Variants in CENPP observed in about 807,000 individuals in gnomAD.
CENPP encodes the protein centromere protein P.
Under a neutral mutation model 35.6 loss-of-function variants are expected in CENPP, and 24 were observed. The ratio of observed to expected loss-of-function variants is 0.67; its 90% confidence interval spans 0.49 to 0.95. CENPP has a LOEUF of 0.95. Ranked by LOEUF, CENPP falls within the 40% of genes least tolerant of loss-of-function variation. The pLI is 0.00. For missense variants in CENPP, 332 were observed against 345.3 expected (o/e 0.96, Z 0.31); for synonymous variants, 120 against 125.5 (o/e 0.96, Z 0.29).
chr9:92,476,207 A>G lies in CENPP; in HGVS notation c.564+96348A>G, dbSNP rs756737443. 1.2e-4 allele frequency among the ~76,000 whole-genome samples: 18 copies of G among 152,104 alleles called. No individual in the cohort carries two copies. The highest frequency in any genetic ancestry group is 2.2e-4 in the Non-Finnish European group (15 of 68,018). On this transcript the variant is annotated intron_variant, in intron 5 of 7. Transcript: ENST00000375587. The surrounding 1 kb of genome is among the most constrained non-coding windows in gnomAD (Gnocchi z 4.1). ...GAGTGCCAGAGAGCAGCTGAGCTGC[A>G]AAAGACTTCTATAGTCAGCCAGGAT...
intron 5 of CENPP, among the ~76,000 whole-genome samples, chr9:92,446,082 GA>G (rs895429572): frequency 2.0e-5 from 3 of 150,722 alleles, no homozygotes; most frequent in African/African-American, 4.9e-5. Flanking sequence ...TAAATGTAAA[GA>G]AAAAAAAACT....
chr9:92,416,058 G>GTGTATATATATATATATATATATA (rs6151074), intron 5 of CENPP, among the ~76,000 whole-genome samples: 1 of 130,932 alleles, frequency 7.6e-6, no homozygotes, highest in Non-Finnish European at 1.6e-5. Context: ...ATATATGTGT[G>GTGTATATATATATATATATATATA]TATATATATA....
chr9:92,405,879 T>G (rs1182005161), intron 5 of CENPP, among the ~76,000 whole-genome samples: 1 of 152,220 alleles, frequency 6.6e-6, no homozygotes, highest in East Asian at 1.9e-4. Flanking sequence ...TGAGCGCCAA[T>G]TCTGTGCCAG....
intron 5 of CENPP, among the ~76,000 whole-genome samples, chr9:92,563,064 C>T (rs1849885483): frequency 6.6e-6 from 1 of 152,096 alleles, no homozygotes; most frequent in African/African-American, 2.4e-5. Flanking sequence ...TTAATTCTGA[C>T]AGATATGTGA....
intron 5 of CENPP, among the ~76,000 whole-genome samples, chr9:92,554,677 A>G (rs1202168017): frequency 6.7e-6 from 1 of 149,350 alleles, no homozygotes; most frequent in East Asian, 2.0e-4. Flanking sequence ...TTGATCTGTC[A>G]CCCAGGCTGG....
At chr9:92,404,750 C>T (rs1564303204) in intron 5 of CENPP, 1 of 787,962 alleles carries the variant, frequency 1.3e-6, no homozygotes, top group Middle Eastern at 3.0e-4. Context: ...CTGCTGCACT[C>T]AGTCTGCTTC....
chr9:92,345,206 T>G (rs1239011277), intron 3 of CENPP, among the ~76,000 whole-genome samples: 2 of 151,746 alleles, frequency 1.3e-5, no homozygotes, highest in Non-Finnish European at 2.9e-5. Flanking sequence ...TGAGCCGAGA[T>G]CGCGCCACCA....
intron 4 of CENPP, among the ~76,000 whole-genome samples, chr9:92,368,458 T>C (rs1841939084): frequency 6.6e-6 from 1 of 152,198 alleles, no homozygotes; most frequent in South Asian, 2.1e-4. Context: ...AGCAGCTTCA[T>C]GGGGCCGTTT....
intron 5 of CENPP, among the ~76,000 whole-genome samples, chr9:92,522,376 G>A (rs1170292043): frequency 3.9e-5 from 6 of 152,006 alleles, no homozygotes; most frequent in African/African-American, 9.7e-5. Context: ...GTGAGCCACC[G>A]CGCCTGGCCC....
In CENPP at chr9:92,614,166, G is replaced by A. The variant is rs1454088267; in HGVS notation, c.*1017G>A. On this transcript the variant is annotated 3_prime_UTR_variant, in exon 8 of 8. Coordinates refer to ENST00000375587, the MANE Select transcript of CENPP (RefSeq NM_001012267.3). ...CTCTTGCAGCCCTGAAGGACCTAGG[G>A]AGCCCAGCCCACCTTCCCACGGACT... 6.6e-6 allele frequency: 1 copy of A among 152,402 alleles called. No individual in the cohort carries two copies. Among genetic ancestry groups the A allele is most frequent in the African/African-American group, 2.4e-5 (1 of 41,456 alleles). The allele number at this position is 152,402 out of a possible 1,614,324, so 9.4% of individuals were successfully genotyped here.
At chr9:92,605,104 T>C (rs2131391731) in intron 5 of CENPP, among the ~76,000 whole-genome samples, 1 of 152,118 alleles carries the variant, frequency 6.6e-6, no homozygotes. Flanking sequence ...CCTCAGCCCC[T>C]CAAGTAGCTG....
At position 92,614,135 on chromosome 9, in the gene CENPP, C is replaced by A. The variant is rs1400888685; in HGVS notation, c.*986C>A. ...AGCCCTGTCTGGGCCCTGTGCTAGGCAATAACTCTTGCAGCCCTGAAGGAC... is the reference window on the plus strand; with the variant it reads ...AGCCCTGTCTGGGCCCTGTGCTAGGAAATAACTCTTGCAGCCCTGAAGGAC... On this transcript the variant is annotated 3_prime_UTR_variant, in exon 8 of 8. Coordinates refer to ENST00000375587, the MANE Select transcript of CENPP (RefSeq NM_001012267.3). 1 of 152,286 alleles carries A rather than the reference C, an allele frequency of 6.6e-6. No homozygotes were observed. The highest frequency in any genetic ancestry group is 1.5e-5 in the Non-Finnish European group (1 of 68,114). The allele number at this position is 152,286 out of a possible 1,614,324, so 9.4% of individuals were successfully genotyped here. A position where few individuals can be genotyped will look rare whatever the true frequency, so the allele number is the denominator to read the frequency against.
rs1404243063 is a variant in CENPP, at chr9:92,615,908, C to A, written c.*2759C>A. The A allele has an allele frequency of 2.5e-6, 4 of 1,614,050 alleles. 1 individual carries two copies. In the South Asian group the frequency reaches 4.4e-5, roughly 18 times the overall value. On this transcript the variant is annotated 3_prime_UTR_variant, in exon 8 of 8. Coordinates refer to ENST00000375587, the MANE Select transcript of CENPP (RefSeq NM_001012267.3). Reference sequence around the variant, plus strand: ...CGACATCACGGCGTTGTCTTTGGCACGTACAGTCTTTGAATAATAGTTGAC... The same window carrying A: ...CGACATCACGGCGTTGTCTTTGGCAAGTACAGTCTTTGAATAATAGTTGAC...
chr9:92,449,050 AT>A (rs1336880313), intron 5 of CENPP, among the ~76,000 whole-genome samples: 3 of 152,188 alleles, frequency 2.0e-5, no homozygotes, highest in African/African-American at 7.2e-5. Context: ...TTCAAGAAAA[AT>A]AGTGTATCAT....
chr9:92,528,490 G>A (rs1381122488), intron 5 of CENPP, among the ~76,000 whole-genome samples: 1 of 152,156 alleles, frequency 6.6e-6, no homozygotes, highest in Non-Finnish European at 1.5e-5. Flanking sequence ...ATGTATGTAA[G>A]TAAACTATTA....
At chr9:92,599,556 A>G (rs1850859161) in intron 5 of CENPP, among the ~76,000 whole-genome samples, 1 of 152,048 alleles carries the variant, frequency 6.6e-6, no homozygotes, top group Non-Finnish European at 1.5e-5. Flanking sequence ...AGCTGGGACT[A>G]CAGGCTCCCA....
At chr9:92,406,278 T>C (rs1843303774) in intron 5 of CENPP, among the ~76,000 whole-genome samples, 1 of 152,024 alleles carries the variant, frequency 6.6e-6, no homozygotes, top group Non-Finnish European at 1.5e-5. Flanking sequence ...TGGACCATAT[T>C]AAGAGATGCG....
At chr9:92,355,620 A>G (rs905048065) in intron 4 of CENPP, among the ~76,000 whole-genome samples, 10 of 152,260 alleles carry the variant, frequency 6.6e-5, no homozygotes, top group African/African-American at 2.4e-4. Context: ...GAAATGCAGC[A>G]TATTCATTTG....
intron 4 of CENPP, among the ~76,000 whole-genome samples, chr9:92,365,246 G>T (rs911144413): frequency 6.6e-6 from 1 of 152,038 alleles, no homozygotes; most frequent in Non-Finnish European, 1.5e-5. Context: ...GGGAAGGTAT[G>T]CATTTTTAAA....
Sources: gnomAD v4.1 joint callset for allele counts (sites outside exome capture counted in the v4.1 genomes callset) on GRCh38, gnomAD v4.1.1 for gene constraint, Gnocchi (gnomAD v3.1) non-coding constraint, MANE v1.5 for transcripts, NCBI Gene and HGNC (gene_info 2026-07-23, HGNC 2026-07-21) for gene names.